Variants in ZNF197 observed in about 807,000 individuals in gnomAD.
ZNF197 encodes zinc finger protein 197.
A neutral mutation model predicts 27.4 loss-of-function variants in ZNF197; 14 were observed. The observed-to-expected ratio is 0.51, with a 90% CI of 0.34 to 0.80. ZNF197 has a LOEUF of 0.80. Ranked by LOEUF, ZNF197 falls within the 30% of genes least tolerant of loss-of-function variation. The probability of loss-of-function intolerance (pLI) is 0.02; values close to 1 mark genes in which losing one functional copy is unlikely to be tolerated. For synonymous variants in ZNF197, 415 were observed against 420.0 expected (o/e 0.99, Z 0.15); for missense variants, 1,090 against 1,222.6 (o/e 0.89, Z 1.62).
In ZNF197 at chr3:44,629,437, C is replaced by T. The variant is rs544613986; in HGVS notation, c.283C>T (p.Pro95Ser). ...LVLEQFLSILPGEIRTWVQLH... is the reference protein window; with the variant it reads ...LVLEQFLSILSGEIRTWVQLH... ...GCTGGAGCAGTTTCTGAGCATCCTG[C>T]CTGGGGAGATTCGGACCTGGGTACA... The change falls in exon 2 of 6, where the codon CCT becomes TCT. Residue 95 changes from proline (P) to serine (S), a missense_variant. Coordinates refer to ENST00000344387, the MANE Select transcript of ZNF197 (RefSeq NM_006991.5). 5.0e-6 allele frequency: 8 copies of T among 1,613,938 alleles called. No homozygotes were observed. Among genetic ancestry groups the T allele is most frequent in the South Asian group, 4.4e-5 (4 of 91,070 alleles).
intron 1 of ZNF197, 184 bp from the exon 2 acceptor site, chr3:44,628,890 G>A (rs1002385514): frequency 3.1e-5 from 10 of 320,602 alleles, no homozygotes; most frequent in South Asian, 5.9e-5. Flanking sequence ...CGTAACATGA[G>A]TGTTTGTATC....
At chr3:44,632,643 C>T (rs1575469266) in intron 5 of ZNF197, 44 bp downstream of exon 5, 1 of 1,411,162 alleles carries the variant, frequency 7.1e-7, no homozygotes. Context: ...ATTTCACCAG[C>T]CTTTATTTGT....
In ZNF197 at chr3:44,646,598, ATAT is replaced by A. The variant is rs574232869; in HGVS notation, c.*2385_*2387del. The A allele has an allele frequency of 9.3e-5, 81 of 866,366 alleles. 1 individual carries two copies. The African/African-American group carries it at 1.1e-3, about 12-fold the overall frequency. 53.7% of individuals were successfully genotyped at this position (866,366 alleles called of 1,614,324 possible). On this transcript the variant is annotated 3_prime_UTR_variant, in exon 6 of 6. Coordinates refer to ENST00000344387, the MANE Select transcript of ZNF197 (RefSeq NM_006991.5). ...AGAAAGCTGCCCTGGATTCTTCAAA[ATAT>A]TATTATGATGAAAAAGAGAGGGGAG... is the stretch of plus-strand genomic sequence containing the variant.
chr3:44,644,161 G>T lies in ZNF197; in HGVS notation c.3031G>T (p.Glu1011Ter). 1.2e-6 allele frequency: 2 copies of T among 1,612,904 alleles called. No individual in the cohort carries two copies. Among genetic ancestry groups the T allele is most frequent in the Non-Finnish European group, 1.7e-6 (2 of 1,179,676 alleles). ...LHLQQKIHTI[E>*]EFSWLQNTNE... ...TCTTCAACAGAAAATCCATACCATT[G>T]AGGAATTCTCTTGGCTACAAAACAC... Residue 1011 changes from glutamate (E) to a stop codon, truncating the protein, a stop_gained, in exon 6 of 6, where the codon GAG (glutamate) becomes TAG (stop). Transcript: ENST00000344387. LOFTEE classifies it high-confidence loss of function.
In ZNF197 at chr3:44,645,565, C is replaced by T. The variant is rs546961621; in HGVS notation, c.*1345C>T. ...CCCAGCTTTTGAATTTGAAACTTAA[C>T]AGATGGAGAGTGTCAAAATGGAAGG... On this transcript the variant is annotated 3_prime_UTR_variant, in exon 6 of 6. Coordinates refer to ENST00000344387, the MANE Select transcript of ZNF197 (RefSeq NM_006991.5). The T allele has an allele frequency of 9.1e-6, 9 of 985,268 alleles. No homozygotes were observed. Among genetic ancestry groups the T allele is most frequent in the Admixed American group, 1.2e-4 (2 of 16,260 alleles). 61.0% of individuals were successfully genotyped at this position (985,268 alleles called of 1,614,324 possible). A position where few individuals can be genotyped will look rare whatever the true frequency, so the allele number is the denominator to read the frequency against.
At chr3:44,630,451 A>G (rs1701922020) in intron 2 of ZNF197, among the ~76,000 whole-genome samples, 4 of 152,336 alleles carry the variant, frequency 2.6e-5, no homozygotes, top group Admixed American at 2.0e-4. Context: ...ACATTTCTGT[A>G]TAAGACGTCT....
At chr3:44,630,475 A>G (rs933334359) in intron 2 of ZNF197, among the ~76,000 whole-genome samples, 3 of 152,134 alleles carry the variant, frequency 2.0e-5, no homozygotes, top group Admixed American at 6.5e-5. Context: ...TCATAACTCA[A>G]ACTTGGGTGT....
Position 44,642,738 on chromosome 3 carries a change from A to C in ZNF197, c.1608A>C (p.Lys536Asn), listed in dbSNP as rs760501026. ...ACCAGAGAATCCACTCTGGGGAAAAACCCTATAAATGTGATGAATGTGGAA... is the reference window on the plus strand; with the variant it reads ...ACCAGAGAATCCACTCTGGGGAAAACCCCTATAAATGTGATGAATGTGGAA... ...ILHQRIHSGE[K>N]PYKCDECGKT... is the part of the protein sequence containing the mutation. The change falls in exon 6 of 6, where the codon AAA (lysine) becomes AAC (asparagine). Residue 536 changes from lysine (K) to asparagine (N), a missense_variant. Physicochemically the swap from Lys to Asn is moderately conservative, Grantham distance 94. Coordinates refer to ENST00000344387, the MANE Select transcript of ZNF197 (RefSeq NM_006991.5). 13 of 1,613,376 alleles carry C rather than the reference A, an allele frequency of 8.1e-6. 1 individual carries two copies. In the Admixed American group the frequency reaches 2.2e-4, roughly 27 times the overall value.
In ZNF197 at chr3:44,645,640, G is replaced by T; in HGVS notation, c.*1420G>T. ...TCAGAGGGAAAAAAATCCTTGACCC[G>T]CAGTTGAGCTGATGATCCCTGCCAC... On this transcript the variant is annotated 3_prime_UTR_variant, in exon 6 of 6. Coordinates refer to ENST00000344387, the MANE Select transcript of ZNF197 (RefSeq NM_006991.5). 1 of 985,344 alleles carries T rather than the reference G, an allele frequency of 1.0e-6. No homozygotes were observed. The highest frequency in any genetic ancestry group is 1.2e-6 in the Non-Finnish European group (1 of 829,914). The allele number at this position is 985,344 out of a possible 1,614,324, so 61.0% of individuals were successfully genotyped here. A position where few individuals can be genotyped will look rare whatever the true frequency, so the allele number is the denominator to read the frequency against.
chr3:44,642,612 T>C lies in ZNF197; in HGVS notation c.1482T>C (p.Asn494=). Residue 494 remains asparagine (N), a synonymous_variant, in exon 6 of 6, where the codon AAT becomes AAC. Coordinates refer to ENST00000344387, the MANE Select transcript of ZNF197 (RefSeq NM_006991.5). ...CNECGKVFSQ[N]AYLIDHQRLH... ...AATGTGGGAAAGTCTTCTCTCAGAA[T>C]GCTTACCTCATTGACCATCAGAGGC... 1 of 1,614,022 alleles carries C rather than the reference T, an allele frequency of 6.2e-7. No individual in the cohort carries two copies. Among genetic ancestry groups the C allele is most frequent in the Non-Finnish European group, 8.5e-7 (1 of 1,179,984 alleles).
chr3:44,631,594 C>T lies in ZNF197; in HGVS notation c.550+373C>T, dbSNP rs890613301. ...TTTTTAATTTTTTTTTTAGTAGAAA[C>T]GGGGTTTCACTGTGTTAGCCAAGAT... On this transcript the variant is annotated intron_variant, in intron 3 of 5. Transcript: ENST00000344387. 5.3e-5 allele frequency among the ~76,000 whole-genome samples: 8 copies of T among 151,200 alleles called. 1 individual carries two copies. The highest frequency in any genetic ancestry group is 4.2e-4 in the South Asian group (2 of 4,784).
At position 44,646,415 on chromosome 3, in the gene ZNF197, T is replaced by C; in HGVS notation, c.*2195T>C. 6.2e-7 allele frequency: 1 copy of C among 1,608,708 alleles called. No homozygotes were observed. Among genetic ancestry groups the C allele is most frequent in the Non-Finnish European group, 8.5e-7 (1 of 1,177,552 alleles). On this transcript the variant is annotated 3_prime_UTR_variant, in exon 6 of 6. Transcript: ENST00000344387. ...TTAGATTGAGACAGCCCACATAATG[T>C]GCCACCTTCTGTGATGTAATAAGCT...
rs1359285087 is a variant in ZNF197 at position 44,647,267 on chromosome 3, C to T, written c.*3047C>T. On this transcript the variant is annotated 3_prime_UTR_variant, in exon 6 of 6. Transcript: ENST00000344387. ...AATGCAGAGTAAAATCGTGAGATATCACCTATCAGAATAGCTTAACTTTTT... is the reference window on the plus strand; with the variant it reads ...AATGCAGAGTAAAATCGTGAGATATTACCTATCAGAATAGCTTAACTTTTT... 1 of 151,238 alleles carries T rather than the reference C, an allele frequency of 6.6e-6. No individual in the cohort carries two copies. The highest frequency in any genetic ancestry group is 2.4e-5 in the African/African-American group (1 of 41,086). 9.4% of individuals were successfully genotyped at this position (151,238 alleles called of 1,614,324 possible). A position where few individuals can be genotyped will look rare whatever the true frequency, so the allele number is the denominator to read the frequency against.
In ZNF197 at chr3:44,642,560, C is replaced by G. The variant is rs1702675822; in HGVS notation, c.1430C>G (p.Ser477Ter). 6.2e-7 allele frequency: 1 copy of G among 1,614,144 alleles called. No individual in the cohort carries two copies. Among genetic ancestry groups the G allele is most frequent in the Non-Finnish European group, 8.5e-7 (1 of 1,180,016 alleles). Reference protein sequence around the residue: ...SGLIIHLRRHSGERPYKCNEC... With the variant: ...SGLIIHLRRH The stretch of plus-strand genomic sequence containing the variant: ...CTAATTATACATCTAAGGCGCCATT[C>G]AGGGGAGAGACCTTATAAGTGTAAT... The change falls in exon 6 of 6, where the codon TCA becomes TGA. Residue 477 changes from serine (S) to a stop codon, truncating the protein, a stop_gained. Transcript: ENST00000344387. LOFTEE classifies it low-confidence loss of function (END_TRUNC).
At chr3:44,630,194 G>C (rs1033954662) in intron 2 of ZNF197, among the ~76,000 whole-genome samples, 10 of 152,332 alleles carry the variant, frequency 6.6e-5, no homozygotes, top group Middle Eastern at 3.4e-3. Flanking sequence ...TCCAGCCTGG[G>C]TGATGGAGTG....
Position 44,642,971 on chromosome 3 carries a change from G to A in ZNF197, c.1841G>A (p.Arg614Lys). The change falls in exon 6 of 6, where the codon AGG (arginine) becomes AAG (lysine). Residue 614 changes from arginine (R) to lysine (K), a missense_variant. Arg to Lys is a conservative substitution (Grantham distance 26, BLOSUM62 2). Coordinates refer to ENST00000344387, the MANE Select transcript of ZNF197 (RefSeq NM_006991.5). The part of the protein sequence containing the change: ...SSKSNFIDHK[R>K]MHSREKPYKC... ...AAGTCAAACTTCATTGACCATAAGA[G>A]GATGCACAGCAGAGAGAAACCTTAC... is the stretch of plus-strand genomic sequence containing the variant. 3 of 1,613,964 alleles carry A rather than the reference G, an allele frequency of 1.9e-6. No homozygotes were observed. The highest frequency in any genetic ancestry group is 2.5e-6 in the Non-Finnish European group (3 of 1,179,994).
Position 44,642,740 on chromosome 3 carries a change from C to A in ZNF197, c.1610C>A (p.Pro537His). Reference sequence around the variant, plus strand: ...CAGAGAATCCACTCTGGGGAAAAACCCTATAAATGTGATGAATGTGGAAAG... The same window carrying A: ...CAGAGAATCCACTCTGGGGAAAAACACTATAAATGTGATGAATGTGGAAAG... ...LHQRIHSGEK[P>H]YKCDECGKTF... Residue 537 changes from proline to histidine, a missense_variant, in exon 6 of 6, where the codon CCC becomes CAC. Transcript: ENST00000344387. 6.2e-7 allele frequency: 1 copy of A among 1,613,562 alleles called. No individual in the cohort carries two copies. The highest frequency in any genetic ancestry group is 8.5e-7 in the Non-Finnish European group (1 of 1,179,946).
chr3:44,645,051 A>G lies in ZNF197; in HGVS notation c.*831A>G. ...GCTGATGAGGACAACCTAAAAGAGC[A>G]CTGGATTTGGAATCAGAAGACCTAC... On this transcript the variant is annotated 3_prime_UTR_variant, in exon 6 of 6. Coordinates refer to ENST00000344387, the MANE Select transcript of ZNF197 (RefSeq NM_006991.5). 1.0e-6 allele frequency: 1 copy of G among 985,402 alleles called. No homozygotes were observed. The highest frequency in any genetic ancestry group is 4.7e-5 in the South Asian group (1 of 21,286). 61.0% of individuals were successfully genotyped at this position (985,402 alleles called of 1,614,324 possible). A position where few individuals can be genotyped will look rare whatever the true frequency, so the allele number is the denominator to read the frequency against.
At chr3:44,634,918 C>T (rs547830107) in intron 5 of ZNF197, among the ~76,000 whole-genome samples, 8 of 150,690 alleles carry the variant, frequency 5.3e-5, no homozygotes, top group African/African-American at 2.0e-4. Context: ...AACTCCTGGC[C>T]TCAAGCAAAC....
Sources: gnomAD v4.1 joint callset for allele counts (sites outside exome capture counted in the v4.1 genomes callset) on GRCh38, gnomAD v4.1.1 for gene constraint, MANE v1.5 for transcripts, NCBI Gene and HGNC (gene_info 2026-07-23, HGNC 2026-07-21) for gene names.